The following KIAA1217 variants were observed in gnomAD, a reference collection of about 807,000 sequenced individuals.
KIAA1217 encodes the protein KIAA1217.
A neutral mutation model predicts 163.9 loss-of-function variants in KIAA1217; 88 were observed. That is an observed-to-expected ratio of 0.54 (90% confidence interval 0.45 to 0.64). The LOEUF (loss-of-function observed/expected upper bound fraction) is 0.64. KIAA1217 is among the 30% of genes least tolerant of loss of function. The pLI, the probability that KIAA1217 is intolerant of heterozygous loss-of-function variation, is 0.00. For synonymous variants in KIAA1217, 903 were observed against 923.1 expected (o/e 0.98, Z 0.39); for missense variants, 2,372 against 2,475.0 (o/e 0.96, Z 0.88).
At chr10:23,737,479 C>T (rs910297072) in intron 1 of KIAA1217, among the ~76,000 whole-genome samples, 8 of 152,128 alleles carry the variant, frequency 5.3e-5, no homozygotes, top group African/African-American at 1.9e-4. Flanking sequence ...AGGTGTGAGT[C>T]ACCCGCACCC....
chr10:23,799,982 G>A (rs1474022939), intron 1 of KIAA1217, among the ~76,000 whole-genome samples: 6 of 152,080 alleles, frequency 3.9e-5, no homozygotes, highest in Non-Finnish European at 4.4e-5. Context: ...CTTTTGCCTC[G>A]CCTGTATAAT....
chr10:24,494,689 T>G, intron 7 of KIAA1217, 85 bp downstream of exon 7: 1 of 973,316 alleles, frequency 1.0e-6, no homozygotes, highest in Non-Finnish European at 1.6e-6. Context: ...TCAAATCTGT[T>G]TTCTTGTAAT....
intron 2 of KIAA1217, among the ~76,000 whole-genome samples, chr10:24,104,161 G>C (rs2062529015): frequency 1.3e-5 from 2 of 151,984 alleles, no homozygotes; most frequent in African/African-American, 4.8e-5. Flanking sequence ...CATGCTCCTT[G>C]GTATTTACCC....
chr10:24,025,947 A>G (rs186068675), intron 2 of KIAA1217, among the ~76,000 whole-genome samples: 3 of 151,950 alleles, frequency 2.0e-5, no homozygotes, highest in East Asian at 1.9e-4. Flanking sequence ...AACGTTATTT[A>G]TAAATGACAA....
At chr10:24,227,945 C>T (rs1400749771) in intron 2 of KIAA1217, among the ~76,000 whole-genome samples, 1 of 152,140 alleles carries the variant, frequency 6.6e-6, no homozygotes, top group East Asian at 1.9e-4. Flanking sequence ...CTTAGGGTCC[C>T]CTCCTCAACC....
chr10:23,915,528 A>G (rs1355624689), intron 1 of KIAA1217, among the ~76,000 whole-genome samples: 1 of 152,174 alleles, frequency 6.6e-6, no homozygotes. Flanking sequence ...TTCTACCAAC[A>G]TTGTTTCCTT....
intron 2 of KIAA1217, among the ~76,000 whole-genome samples, chr10:24,052,115 G>A (rs1055255778): frequency 6.6e-6 from 1 of 152,086 alleles, no homozygotes; most frequent in African/African-American, 2.4e-5. Flanking sequence ...GTTGCTACTT[G>A]CGTACTCCAA....
rs774885618 is a variant in KIAA1217 at position 24,544,959 on chromosome 10, C to T, written c.5212-22C>T. ...TCATGCGCTTCTCCTTCTCTTCCCC[C>T]TCTCACTGGTCCTTCCCACAGGGCT... is the stretch of plus-strand genomic sequence containing the variant. On this transcript the variant is annotated intron_variant, in intron 19 of 20. Coordinates refer to ENST00000376454, the MANE Select transcript of KIAA1217 (RefSeq NM_019590.5). 5.6e-6 allele frequency: 9 copies of T among 1,610,088 alleles called. No homozygotes were observed. In the Admixed American group the frequency reaches 6.8e-5, roughly 12 times the overall value.
At chr10:24,368,267 G>T (rs980644949) in intron 2 of KIAA1217, among the ~76,000 whole-genome samples, 7 of 152,212 alleles carry the variant, frequency 4.6e-5, no homozygotes, top group African/African-American at 1.7e-4. Context: ...GAAAAGAAGG[G>T]CATAGTGAGC....
chr10:24,034,553 A>C, intron 2 of KIAA1217, among the ~76,000 whole-genome samples: 1 of 127,584 alleles, frequency 7.8e-6, no homozygotes, highest in Admixed American at 8.7e-5. Flanking sequence ...ATAAGATGAG[A>C]CCCTGTCTCA....
intron 2 of KIAA1217, among the ~76,000 whole-genome samples, chr10:24,361,352 G>A (rs139296311): frequency 0.01 from 1,531 of 151,962 alleles, 31 homozygotes; most frequent in African/African-American, 0.035. Context: ...CATGCCTGGC[G>A]AATTTTTGTA....
chr10:23,699,126 C>G (rs1489851573), intron 1 of KIAA1217, among the ~76,000 whole-genome samples: 3 of 152,254 alleles, frequency 2.0e-5, no homozygotes, highest in Non-Finnish European at 2.9e-5. Flanking sequence ...CAACCCCCTA[C>G]TTTCACTGCT....
intron 7 of KIAA1217, 81 bp from the exon 8 acceptor site, chr10:24,495,066 T>G: frequency 1.7e-6 from 2 of 1,160,706 alleles, no homozygotes; most frequent in Non-Finnish European, 2.5e-6. Context: ...TTGCTTCAAA[T>G]AGTGGATGGA....
At chr10:24,328,004 C>T (rs1174208409) in intron 2 of KIAA1217, among the ~76,000 whole-genome samples, 2 of 152,188 alleles carry the variant, frequency 1.3e-5, no homozygotes, top group Non-Finnish European at 2.9e-5. Flanking sequence ...CATGTCATCT[C>T]TGTGTCTGAC....
At chr10:24,497,569 C>CA (rs1351651069) in intron 8 of KIAA1217, among the ~76,000 whole-genome samples, 2 of 151,712 alleles carry the variant, frequency 1.3e-5, no homozygotes, top group African/African-American at 2.4e-5. Context: ...CCTGTCTCCA[C>CA]AAAAAATGAG....
intron 2 of KIAA1217, among the ~76,000 whole-genome samples, chr10:24,112,685 C>A (rs571996334): frequency 2.0e-5 from 3 of 151,898 alleles, no homozygotes; most frequent in Non-Finnish European, 4.4e-5. Flanking sequence ...CCTGGGTTCA[C>A]GCCATTCTCC....
At chr10:24,142,312 T>C (rs1225561746) in intron 2 of KIAA1217, among the ~76,000 whole-genome samples, 4 of 152,232 alleles carry the variant, frequency 2.6e-5, no homozygotes, top group Non-Finnish European at 5.9e-5. Flanking sequence ...CTACATGATG[T>C]GTTCCTGATC....
At chr10:24,278,233 T>G (rs1327499334) in intron 2 of KIAA1217, among the ~76,000 whole-genome samples, 1 of 152,206 alleles carries the variant, frequency 6.6e-6, no homozygotes, top group Non-Finnish European at 1.5e-5. Context: ...AGTCTTCATT[T>G]CTGAAAGACT....
Position 23,726,979 on chromosome 10 carries a change from C to CTTTTTTTTTTTTTTTTT in KIAA1217, c.-321+31755_-321+31771dup, listed in dbSNP as rs1012125050. 4.0e-4 allele frequency among the ~76,000 whole-genome samples: 37 copies of CTTTTTTTTTTTTTTTTT among 93,418 alleles called. 5 individuals carry two copies. The highest frequency in any genetic ancestry group is 1.8e-3 in the African/African-American group (37 of 20,688). 61.3% of individuals were successfully genotyped at this position (93,418 alleles called of 152,430 possible). A position where few individuals can be genotyped will look rare whatever the true frequency, so the allele number is the denominator to read the frequency against. ...ATTTCCATGCCATTTGTATAGGCCTCTTTTTTTTTTTTTTTTTTTTTTTTT... is the reference window on the plus strand; with the variant it reads ...ATTTCCATGCCATTTGTATAGGCCTCTTTTTTTTTTTTTTTTTTTTTTTTTTTTTTTTTTTTTTTTTT... On this transcript the variant is annotated intron_variant, in intron 1 of 18. Transcript: ENST00000376462.
Sources: gnomAD v4.1 joint callset for allele counts (sites outside exome capture counted in the v4.1 genomes callset) on GRCh38, gnomAD v4.1.1 for gene constraint, MANE v1.5 for transcripts, NCBI Gene and HGNC (gene_info 2026-07-23, HGNC 2026-07-21) for gene names.